The following BRD1 variants were observed in gnomAD, a reference collection of about 807,000 sequenced individuals.
The protein encoded by BRD1 is bromodomain containing 1, also known as bromodomain-containing protein 1.
Under a neutral mutation model 107.7 loss-of-function variants are expected in BRD1, and 24 were observed. The ratio of observed to expected loss-of-function variants is 0.22; its 90% confidence interval spans 0.16 to 0.31. The LOEUF (loss-of-function observed/expected upper bound fraction) is 0.31. Among genes scored for constraint, BRD1 ranks in the 10% least tolerant of loss-of-function variants. The probability of loss-of-function intolerance (pLI) is 1.00; values close to 1 mark genes in which losing one functional copy is unlikely to be tolerated. For missense variants in BRD1, 1,279 were observed against 1,638.6 expected, an observed-to-expected ratio of 0.78 and a Z score of 3.79; for synonymous variants, 744 against 686.1, an observed-to-expected ratio of 1.08 and a Z score of -1.32.
In BRD1 at chr22:49,804,332, T is replaced by C. The variant is rs141160146; in HGVS notation, c.1396A>G (p.Ile466Val). 7.5e-6 allele frequency: 12 copies of C among 1,608,362 alleles called. No individual in the cohort carries two copies. In the African/African-American group the frequency reaches 1.2e-4, roughly 16 times the overall value. Residue 466 changes from isoleucine to valine, a missense_variant, in exon 3 of 13, where the codon ATT (isoleucine) becomes GTT (valine). Ile to Val is a conservative substitution (Grantham distance 29, BLOSUM62 3). Transcript: ENST00000404760. Reference sequence around the variant, plus strand: ...TCCACAAACTGCTTCTTCCGCTGAATGGCCACCTGATTCGCAATCCTATTT... The same window carrying C: ...TCCACAAACTGCTTCTTCCGCTGAACGGCCACCTGATTCGCAATCCTATTT... ...RLNRIANQVA[I>V]QRKKQFVERA...
In BRD1 at chr22:49,787,813, GT is replaced by G; in HGVS notation, c.2433del (p.Glu811AspfsTer8). 1 of 1,550,838 alleles carries G rather than the reference GT, an allele frequency of 6.4e-7. No homozygotes were observed. The highest frequency in any genetic ancestry group is 2.4e-5 in the East Asian group (1 of 40,926). ...AGTTCTACTGGTTTGAGGGTTGGTGGTTCTGAATTAGTCTCCGAGTTTGAAG... is the reference window on the plus strand; with the variant it reads ...AGTTCTACTGGTTTGAGGGTTGGTGGTCTGAATTAGTCTCCGAGTTTGAAG... The part of the protein sequence containing the change: ...PLPSNSETNS[E>X]PPTLKPVELN... On this transcript the variant is annotated frameshift_variant, in exon 8 of 13. Coordinates refer to ENST00000404760, the MANE Select transcript of BRD1 (RefSeq NM_001304808.3). LOFTEE classifies it high-confidence loss of function.
intron 8 of BRD1, among the ~76,000 whole-genome samples, chr22:49,785,871 G>A (rs937293443): frequency 2.6e-5 from 4 of 152,196 alleles, no homozygotes; most frequent in African/African-American, 4.8e-5. Context: ...TCTGCACAAA[G>A]ACCTTTGACA....
intron 2 of BRD1, chr22:49,817,426 T>TG (rs746066595): frequency 8.3e-4 from 129 of 154,532 alleles, no homozygotes; most frequent in Non-Finnish European, 1.5e-3. Context: ...CATCTTCCTA[T>TG]GGAATACCAA....
intron 2 of BRD1, chr22:49,818,129 AGTGAAGGCGGGAGGAGCACCCTATCAGG>A: frequency 4.0e-6 from 3 of 758,362 alleles, no homozygotes; most frequent in Non-Finnish European, 4.9e-6. Flanking sequence ...AAATGACACC[AGTGAAGGCGGGAGGAGCACCCTATCAGG>A]GTGAAGGCGG....
chr22:49,779,252 C>T (rs1601605768), intron 8 of BRD1, among the ~76,000 whole-genome samples: 1 of 152,160 alleles, frequency 6.6e-6, no homozygotes, highest in Non-Finnish European at 1.5e-5. Context: ...ATTTTCCACC[C>T]GCTTCGTACG....
chr22:49,797,284 G>A lies in BRD1; in HGVS notation c.2098+521C>T, dbSNP rs192958388. Among the ~76,000 whole-genome samples, 1,359 of 152,314 alleles carry A rather than the reference G, an allele frequency of 8.9e-3. 13 individuals are homozygous for A. The highest frequency in any genetic ancestry group is 0.063 in the South Asian group (306 of 4,830). On this transcript the variant is annotated intron_variant, in intron 6 of 12. Coordinates refer to ENST00000404760, the MANE Select transcript of BRD1 (RefSeq NM_001304808.3). ...TCCCAGAGCCCTTTCTACAACATGC[G>A]CAAACCACGAAGTTAAAGGGCTGGA...
At position 49,783,603 on chromosome 22, in the gene BRD1, T is replaced by C. The variant is rs918293220; in HGVS notation, c.2857+3787A>G. ...CACTGTGTCGTCAGCTGCAGCAGGC[T>C]CCCAGTCGGTGCCGGGCTCTCCTCT... On this transcript the variant is annotated intron_variant, in intron 8 of 12. Coordinates refer to ENST00000404760, the MANE Select transcript of BRD1 (RefSeq NM_001304808.3). The surrounding 1 kb of genome is among the most constrained non-coding windows in gnomAD (Gnocchi z 4.2). Among the ~76,000 whole-genome samples, 2 of 152,144 alleles carry C rather than the reference T, an allele frequency of 1.3e-5. No individual in the cohort carries two copies. The highest frequency in any genetic ancestry group is 4.8e-5 in the African/African-American group (2 of 41,434).
intron 11 of BRD1, 90 bp from the exon 12 acceptor site, chr22:49,775,835 C>CTG (rs1555900546): frequency 2.2e-5 from 30 of 1,344,804 alleles, no homozygotes; most frequent in South Asian, 8.0e-5. Context: ...GCCTCCCCAC[C>CTG]CCAGCTGTGT....
chr22:49,810,031 A>G (rs998932253), intron 2 of BRD1, among the ~76,000 whole-genome samples: 5 of 152,238 alleles, frequency 3.3e-5, no homozygotes, highest in Non-Finnish European at 7.3e-5. Context: ...TAAAGTCTCA[A>G]CAAGCATCAA....
intron 7 of BRD1, among the ~76,000 whole-genome samples, chr22:49,790,032 C>A (rs1021108887): frequency 2.0e-5 from 3 of 152,246 alleles, no homozygotes; most frequent in Non-Finnish European, 4.4e-5. Flanking sequence ...CACATGCAGG[C>A]CGGGCTCCAG....
chr22:49,781,341 T>C (rs2059203669), intron 8 of BRD1, among the ~76,000 whole-genome samples: 1 of 152,114 alleles, frequency 6.6e-6, no homozygotes, highest in Admixed American at 6.5e-5. Context: ...TCTGAGAGAC[T>C]GAAGGCCACA....
At chr22:49,781,472 C>G (rs1404270085) in intron 8 of BRD1, among the ~76,000 whole-genome samples, 1 of 152,248 alleles carries the variant, frequency 6.6e-6, no homozygotes, top group Non-Finnish European at 1.5e-5. Flanking sequence ...CTCCCAGCCC[C>G]CAACCCATGT....
At chr22:49,787,305 C>CA (rs1299912793) in intron 8 of BRD1, 85 bp downstream of exon 8, 3 of 939,372 alleles carry the variant, frequency 3.2e-6, no homozygotes, top group East Asian at 4.1e-5. Context: ...GGACACCCCC[C>CA]CCCCCCCGTC....
chr22:49,777,791 AC>A lies in BRD1; in HGVS notation c.2879del (p.Gly960ValfsTer64). The A allele has an allele frequency of 6.2e-7, 1 of 1,603,174 alleles. No homozygotes were observed. On this transcript the variant is annotated frameshift_variant, in exon 9 of 13. Transcript: ENST00000404760. LOFTEE classifies it high-confidence loss of function. Reference protein sequence around the residue: ...LDAGLTNGFGGARSEQEPGGG... With the variant: ...LDAGLTNGFGXARSEQEPGGG... ...CGCCCGGCTCCTGCTCGCTCCTCGC[AC>A]CCCCAAAGCCGTTGGTGAGACCTGG...
At chr22:49,797,783 C>T (rs1478538213) in intron 6 of BRD1, 22 bp downstream of exon 6, 19 of 1,564,272 alleles carry the variant, frequency 1.2e-5, no homozygotes, top group African/African-American at 6.8e-5. Flanking sequence ...CCACCTCCTC[C>T]GGACACGGCG....
At chr22:49,775,309 G>A (rs1263430029) in intron 12 of BRD1, 5 of 247,054 alleles carry the variant, frequency 2.0e-5, no homozygotes, top group Admixed American at 5.6e-5. Flanking sequence ...TGGGTAAGGA[G>A]TAGGGAAGAG....
rs964442359 is a variant in BRD1, at chr22:49,792,225, G to A, written c.2359+1809C>T. Among the ~76,000 whole-genome samples, 1 of 152,190 alleles carries A rather than the reference G, an allele frequency of 6.6e-6. No homozygotes were observed. Among genetic ancestry groups the A allele is most frequent in the Non-Finnish European group, 1.5e-5 (1 of 68,034 alleles). Reference sequence around the variant, plus strand: ...AACTTACTGCTCTACAGTGAAAATGGTACAACTGTGTGCGAAGAGAAGCGC... The same window carrying A: ...AACTTACTGCTCTACAGTGAAAATGATACAACTGTGTGCGAAGAGAAGCGC... On this transcript the variant is annotated intron_variant, in intron 7 of 12. Coordinates refer to ENST00000404760, the MANE Select transcript of BRD1 (RefSeq NM_001304808.3). This position sits in a 1 kb window ranked among gnomAD's most constrained non-coding sequence, Gnocchi z 4.2.
Position 49,787,455 on chromosome 22 carries a change from C to A in BRD1, c.2792G>T (p.Arg931Met). ...RLETLLQPRK[R>M]SRSTCGDSEV... ...GGAGTCTCCGCATGTGCTCCGCGAC[C>A]TTTTCCTTGGCTGCAGAAGAGTCTC... is the stretch of plus-strand genomic sequence containing the variant. The change falls in exon 8 of 13, where the codon AGG becomes ATG. Residue 931 changes from arginine to methionine, a missense_variant. By Grantham distance (91) the Arg-to-Met change is moderately conservative (BLOSUM62 -1). Coordinates refer to ENST00000404760, the MANE Select transcript of BRD1 (RefSeq NM_001304808.3). 2 of 1,614,226 alleles carry A rather than the reference C, an allele frequency of 1.2e-6. No homozygotes were observed. The highest frequency in any genetic ancestry group is 1.7e-6 in the Non-Finnish European group (2 of 1,180,052).
intron 6 of BRD1, 110 bp from the exon 7 acceptor site, chr22:49,794,404 G>A: frequency 7.0e-7 from 1 of 1,423,182 alleles, no homozygotes; most frequent in Non-Finnish European, 9.5e-7. Flanking sequence ...GAGAGTGGCT[G>A]TTAGCAACGA....
Sources: gnomAD v4.1 joint callset for allele counts (sites outside exome capture counted in the v4.1 genomes callset) on GRCh38, gnomAD v4.1.1 for gene constraint, Gnocchi (gnomAD v3.1) non-coding constraint, MANE v1.5 for transcripts, NCBI Gene and HGNC (gene_info 2026-07-23, HGNC 2026-07-21) for gene names.